THUMPD3: variants seen among roughly 807,000 people sequenced by gnomAD.
The protein encoded by THUMPD3 is THUMP domain 3 tRNA guanosine methyltransferase.
In THUMPD3, 44 loss-of-function variants were observed where a neutral mutation model predicts 54.5. The observed-to-expected ratio is 0.81, with a 90% CI of 0.63 to 1.04. The LOEUF is 1.04. THUMPD3 is among the 50% of genes least tolerant of loss of function. The pLI, the probability that THUMPD3 is intolerant of heterozygous loss-of-function variation, is 0.00. For missense variants in THUMPD3, 604 were observed against 601.3 expected (o/e 1.00, Z -0.05); for synonymous variants, 196 against 201.4 (o/e 0.97, Z 0.23).
Position 9,386,388 on chromosome 3 carries a change from C to T in THUMPD3, c.*1700C>T, listed in dbSNP as rs1188475539. The T allele has an allele frequency of 1.6e-4, 24 of 145,654 alleles. No individual in the cohort carries two copies. Among genetic ancestry groups the T allele is most frequent in the Admixed American group, 1.6e-3 (23 of 14,640 alleles). 9.0% of individuals were successfully genotyped at this position (145,654 alleles called of 1,614,324 possible). ...ATGTCTTTCCCCACCCCCCCACCCC[C>T]CACTCCACCCCCCACTAAGGGCAGG... On this transcript the variant is annotated 3_prime_UTR_variant, in exon 10 of 10. Transcript: ENST00000452837.
chr3:9,375,836 A>G (rs2032419501), intron 5 of THUMPD3, among the ~76,000 whole-genome samples: 1 of 152,232 alleles, frequency 6.6e-6, no homozygotes, highest in African/African-American at 2.4e-5. Flanking sequence ...GTCAGTTGTA[A>G]CGCAGTGGTA....
At position 9,374,541 on chromosome 3, in the gene THUMPD3, A is replaced by T; in HGVS notation, c.833A>T (p.Glu278Val). ...GTTCTTTTGAACATCCATGATAATGAAGTCATTGTGGGCATTGCATTGACT... is the reference window on the plus strand; with the variant it reads ...GTTCTTTTGAACATCCATGATAATGTAGTCATTGTGGGCATTGCATTGACT... Reference protein sequence around the residue: ...VEVLLNIHDNEVIVGIALTEE... With the variant: ...VEVLLNIHDNVVIVGIALTEE... Residue 278 changes from glutamate to valine, a missense_variant, in exon 5 of 10, where the codon GAA (glutamate) becomes GTA (valine). Physicochemically the swap from Glu to Val is moderately radical, Grantham distance 121. Transcript: ENST00000452837. 1.2e-6 allele frequency: 2 copies of T among 1,614,020 alleles called. No individual in the cohort carries two copies. Among genetic ancestry groups the T allele is most frequent in the Non-Finnish European group, 1.7e-6 (2 of 1,179,954 alleles).
chr3:9,372,924 G>C (rs1020801336), intron 4 of THUMPD3, among the ~76,000 whole-genome samples: 5 of 152,064 alleles, frequency 3.3e-5, no homozygotes, highest in Non-Finnish European at 5.9e-5. Flanking sequence ...CAAATCAGGA[G>C]TCTAATTCCC....
In THUMPD3 at chr3:9,385,566, A is replaced by G. The variant is rs2033276925; in HGVS notation, c.*878A>G. The G allele has an allele frequency of 6.6e-6, 1 of 152,244 alleles. No individual in the cohort carries two copies. The highest frequency in any genetic ancestry group is 2.4e-5 in the African/African-American group (1 of 41,462). 9.4% of individuals were successfully genotyped at this position (152,244 alleles called of 1,614,324 possible). On this transcript the variant is annotated 3_prime_UTR_variant, in exon 10 of 10. Coordinates refer to ENST00000452837, the MANE Select transcript of THUMPD3 (RefSeq NM_001114092.2). Reference sequence around the variant, plus strand: ...ATCTGTTATTCACATTAATACACAGAATGAAAATAGAGGTCTAGGAATTAT... The same window carrying G: ...ATCTGTTATTCACATTAATACACAGGATGAAAATAGAGGTCTAGGAATTAT...
chr3:9,373,118 A>T (rs2032189828), intron 4 of THUMPD3, among the ~76,000 whole-genome samples: 1 of 152,074 alleles, frequency 6.6e-6, no homozygotes, highest in South Asian at 2.1e-4. Context: ...AAATAAAATG[A>T]ATAGGTTAAC....
In THUMPD3 at chr3:9,371,245, A is replaced by C. The variant is rs1248227594; in HGVS notation, c.516A>C (p.Lys172Asn). ...QEVKIDQRNVKKEFTSHALDS... is the reference protein window; with the variant it reads ...QEVKIDQRNVNKEFTSHALDS... The stretch of plus-strand genomic sequence containing the variant: ...TCAAAATCGATCAGAGAAATGTTAA[A>C]AAAGAGTTCACTAGCCATGCTTTAG... The change falls in exon 4 of 10, where the codon AAA becomes AAC. Residue 172 changes from lysine (K) to asparagine (N), a missense_variant. Physicochemically the swap from Lys to Asn is moderately conservative, Grantham distance 94. Transcript: ENST00000452837. The C allele has an allele frequency of 6.2e-7, 1 of 1,611,854 alleles. No individual in the cohort carries two copies. Among genetic ancestry groups the C allele is most frequent in the South Asian group, 1.1e-5 (1 of 90,248 alleles).
intron 8 of THUMPD3, among the ~76,000 whole-genome samples, chr3:9,383,693 G>A (rs764412118): frequency 2.6e-5 from 4 of 151,130 alleles, no homozygotes; most frequent in South Asian, 4.2e-4. Flanking sequence ...GTATGATCTC[G>A]GCTCACTGTA....
chr3:9,380,111 A>G (rs751593901), intron 6 of THUMPD3, among the ~76,000 whole-genome samples: 2 of 152,214 alleles, frequency 1.3e-5, no homozygotes, highest in Non-Finnish European at 2.9e-5. Flanking sequence ...ACACTGCTGG[A>G]TGAGGAACTG....
chr3:9,384,920 C>G lies in THUMPD3; in HGVS notation c.*232C>G. 2.1e-6 allele frequency: 1 copy of G among 474,522 alleles called. No individual in the cohort carries two copies. The highest frequency in any genetic ancestry group is 3.8e-6 in the Non-Finnish European group (1 of 264,524). The allele number at this position is 474,522 out of a possible 1,614,324, so 29.4% of individuals were successfully genotyped here. A position where few individuals can be genotyped will look rare whatever the true frequency, so the allele number is the denominator to read the frequency against. On this transcript the variant is annotated 3_prime_UTR_variant, in exon 10 of 10. Transcript: ENST00000452837. ...CAGCAGTTTAGGAAGCCGAAGTGTGCAGATCACCTGAGGTCCGGAGACCAG... is the reference window on the plus strand; with the variant it reads ...CAGCAGTTTAGGAAGCCGAAGTGTGGAGATCACCTGAGGTCCGGAGACCAG...
At chr3:9,379,092 A>T (rs1029358414) in intron 6 of THUMPD3, among the ~76,000 whole-genome samples, 2 of 152,184 alleles carry the variant, frequency 1.3e-5, no homozygotes, top group African/African-American at 2.4e-5. Flanking sequence ...GACAAGGTAT[A>T]TATAAAGATT....
chr3:9,366,838 T>C (rs1244243712), intron 2 of THUMPD3, 70 bp from the exon 3 acceptor site: 5 of 1,240,556 alleles, frequency 4.0e-6, no homozygotes, highest in Admixed American at 4.7e-5. Context: ...ATTTTTTAAA[T>C]ACTTAATTGT....
intron 4 of THUMPD3, among the ~76,000 whole-genome samples, chr3:9,373,581 T>A (rs542401892): frequency 9.8e-5 from 15 of 152,294 alleles, no homozygotes; most frequent in African/African-American, 3.4e-4. Flanking sequence ...GATGTGAATA[T>A]GAGATGAGGC....
At chr3:9,367,906 A>T (rs574519985) in intron 3 of THUMPD3, among the ~76,000 whole-genome samples, 2 of 152,238 alleles carry the variant, frequency 1.3e-5, no homozygotes, top group South Asian at 4.2e-4. Context: ...TCTACTAAAA[A>T]TATAAAAAAT....
chr3:9,373,072 C>A (rs752900432), intron 4 of THUMPD3, among the ~76,000 whole-genome samples: 94 of 151,998 alleles, frequency 6.2e-4, no homozygotes, highest in Non-Finnish European at 1.3e-3. Context: ...AATAGTGAGA[C>A]CCTGTCTCCA....
At chr3:9,368,509 T>C (rs2031758342) in intron 3 of THUMPD3, among the ~76,000 whole-genome samples, 1 of 151,796 alleles carries the variant, frequency 6.6e-6, no homozygotes, top group Admixed American at 6.6e-5. Context: ...ACTATAGGCA[T>C]ATGCCACCAT....
rs1190966491 is a variant in THUMPD3 at position 9,374,515 on chromosome 3, G to T, written c.808-1G>T. On this transcript the variant is annotated splice_acceptor_variant, in intron 4 of 9. Transcript: ENST00000452837. LOFTEE classifies it high-confidence loss of function. The stretch of plus-strand genomic sequence containing the variant: ...TTTTGTCTTGTTCCACTTTGCTATA[G>T]GTTCTTTTGAACATCCATGATAATG... 1 of 1,612,936 alleles carries T rather than the reference G, an allele frequency of 6.2e-7. No homozygotes were observed. Among genetic ancestry groups the T allele is most frequent in the Non-Finnish European group, 8.5e-7 (1 of 1,179,620 alleles).
chr3:9,381,829 G>A (rs531642828), intron 7 of THUMPD3, among the ~76,000 whole-genome samples: 5 of 123,866 alleles, frequency 4.0e-5, no homozygotes, highest in African/African-American at 1.3e-4. Context: ...GCCCAGGCTG[G>A]AGTGCAGTGG....
intron 5 of THUMPD3, among the ~76,000 whole-genome samples, chr3:9,376,139 T>G (rs1250815376): frequency 6.6e-6 from 1 of 152,192 alleles, no homozygotes; most frequent in Admixed American, 6.5e-5. Context: ...TGGGTGCAAA[T>G]ATTTAAAACC....
chr3:9,384,463 A>G (rs1172928545), intron 9 of THUMPD3, 61 bp from the exon 10 acceptor site: 1 of 1,609,010 alleles, frequency 6.2e-7, no homozygotes, highest in African/African-American at 1.3e-5. Flanking sequence ...GCAGTTAAGA[A>G]TCCTAGTTGA....
Sources: allele counts gnomAD v4.1 joint callset (sites outside exome capture counted in the v4.1 genomes callset), GRCh38; gene constraint gnomAD v4.1.1; transcripts MANE v1.5; gene names NCBI Gene and HGNC (gene_info 2026-07-23, HGNC 2026-07-21).